ITPR2: variants seen among roughly 807,000 people sequenced by gnomAD.
ITPR2 encodes inositol 1,4,5-trisphosphate-gated calcium channel ITPR2.
ITPR2 carries 207 observed loss-of-function variants against 317.1 expected under a neutral mutation model. The observed-to-expected ratio is 0.65, with a 90% confidence interval of 0.58 to 0.73. ITPR2 has a LOEUF of 0.73. ITPR2 is among the 30% of genes least tolerant of loss of function. The pLI, the probability that ITPR2 is intolerant of heterozygous loss-of-function variation, is 0.00. For synonymous variants in ITPR2, 1,156 were observed against 1,149.1 expected (o/e 1.01, Z -0.12); for missense variants, 2,613 against 3,284.0 (o/e 0.80, Z 4.99).
chr12:26,340,298 G>C lies in ITPR2; in HGVS notation c.7888C>G (p.Arg2630Gly). The C allele has an allele frequency of 6.2e-7, 1 of 1,605,634 alleles. No individual in the cohort carries two copies. The highest frequency in any genetic ancestry group is 8.5e-7 in the Non-Finnish European group (1 of 1,176,274). ...EKNLDWFPRMRAMSLVSNEGD... is the reference protein window; with the variant it reads ...EKNLDWFPRMGAMSLVSNEGD... ...TCATTGCTAACGAGGGACATGGCTC[G>C]CATCCGAGGAAACCAATCCAAATTC... is the stretch of plus-strand genomic sequence containing the variant. The change falls in exon 56 of 57, where the codon CGA becomes GGA. Residue 2630 changes from arginine to glycine, a missense_variant. By Grantham distance (125) the Arg-to-Gly change is moderately radical (BLOSUM62 -2). This residue lies in a region of ITPR2 where 119 missense variants were observed against 144.3 expected (regional missense o/e 0.82). Transcript: ENST00000381340.
chr12:26,746,459 T>C (rs539502444), intron 2 of ITPR2, among the ~76,000 whole-genome samples: 3 of 152,324 alleles, frequency 2.0e-5, no homozygotes, highest in East Asian at 1.9e-4. Context: ...CTCTAAAACA[T>C]GTAAACTTTC....
intron 14 of ITPR2, among the ~76,000 whole-genome samples, chr12:26,664,855 A>G (rs887908461): frequency 6.6e-6 from 1 of 152,168 alleles, no homozygotes; most frequent in Non-Finnish European, 1.5e-5. Flanking sequence ...ATTTGAGAAA[A>G]AAGTTGATTT....
chr12:26,499,562 A>G (rs1943026003), intron 37 of ITPR2, among the ~76,000 whole-genome samples: 1 of 152,242 alleles, frequency 6.6e-6, no homozygotes, highest in Non-Finnish European at 1.5e-5. Flanking sequence ...ATTTACTGAA[A>G]GTACTTGGAA....
At chr12:26,556,121 C>T in intron 36 of ITPR2, 112 bp downstream of exon 36, 2 of 939,752 alleles carry the variant, frequency 2.1e-6, no homozygotes, top group South Asian at 2.5e-5. Flanking sequence ...GATTTTAGAC[C>T]TTTCGCATAC....
At chr12:26,416,057 G>A (rs1179320424) in intron 50 of ITPR2, among the ~76,000 whole-genome samples, 1 of 152,024 alleles carries the variant, frequency 6.6e-6, no homozygotes, top group Non-Finnish European at 1.5e-5. Flanking sequence ...AAACTATTTG[G>A]GAAATGCAAA....
At chr12:26,436,392 T>C in intron 47 of ITPR2, 46 bp from the exon 48 acceptor site, 10 of 1,559,084 alleles carry the variant, frequency 6.4e-6, no homozygotes, top group Non-Finnish European at 8.6e-6. Flanking sequence ...AAATACATTT[T>C]GGTTTCAACA....
chr12:26,767,852 T>A (rs1225707403), intron 2 of ITPR2, among the ~76,000 whole-genome samples: 2 of 152,256 alleles, frequency 1.3e-5, no homozygotes, highest in African/African-American at 2.4e-5. Context: ...TCTCAACATA[T>A]GTTTGATTCA....
intron 55 of ITPR2, among the ~76,000 whole-genome samples, chr12:26,375,167 A>T (rs1420863945): frequency 6.6e-6 from 1 of 152,224 alleles, no homozygotes; most frequent in Non-Finnish European, 1.5e-5. Flanking sequence ...TGTGGACATT[A>T]TTATTCCAGA....
At chr12:26,758,473 C>G (rs189489030) in intron 2 of ITPR2, among the ~76,000 whole-genome samples, 1 of 152,174 alleles carries the variant, frequency 6.6e-6, no homozygotes, top group Non-Finnish European at 1.5e-5. Context: ...CCCATCTTAA[C>G]GCTAGCCTTT....
At chr12:26,688,822 C>A (rs1565694216) in intron 10 of ITPR2, among the ~76,000 whole-genome samples, 2 of 152,046 alleles carry the variant, frequency 1.3e-5, no homozygotes, top group Admixed American at 6.6e-5. Flanking sequence ...CCCACTTTCA[C>A]GGTGATTTGC....
intron 21 of ITPR2, among the ~76,000 whole-genome samples, chr12:26,651,900 C>T (rs1947264776): frequency 1.3e-5 from 2 of 152,174 alleles, no homozygotes; most frequent in African/African-American, 4.8e-5. Context: ...ATCTCCCCAT[C>T]TTGCCTCTTT....
chr12:26,712,483 C>A (rs1224571528), intron 8 of ITPR2, among the ~76,000 whole-genome samples: 3 of 152,180 alleles, frequency 2.0e-5, no homozygotes, highest in Non-Finnish European at 2.9e-5. Context: ...AAAAGCCCAC[C>A]TATCCTTCAA....
chr12:26,792,453 T>G (rs1197985876), intron 1 of ITPR2, among the ~76,000 whole-genome samples: 1 of 151,762 alleles, frequency 6.6e-6, no homozygotes, highest in Non-Finnish European at 1.5e-5. Context: ...AACAACCTCT[T>G]CTTGAATACT....
chr12:26,622,973 A>C (rs2136809459), intron 24 of ITPR2, among the ~76,000 whole-genome samples: 1 of 152,368 alleles, frequency 6.6e-6, no homozygotes, highest in South Asian at 2.1e-4. Context: ...GAAATTCTTC[A>C]ATAGGAAAAT....
intron 2 of ITPR2, among the ~76,000 whole-genome samples, chr12:26,732,665 G>A (rs1206840250): frequency 6.6e-6 from 1 of 152,216 alleles, no homozygotes; most frequent in Non-Finnish European, 1.5e-5. Context: ...GATGAAATAT[G>A]AACCAAGATC....
At chr12:26,788,148 C>G (rs1487930734) in intron 2 of ITPR2, among the ~76,000 whole-genome samples, 5 of 151,904 alleles carry the variant, frequency 3.3e-5, no homozygotes, top group Non-Finnish European at 7.4e-5. Flanking sequence ...TCTCGAACTC[C>G]CGACCTCAGG....
intron 21 of ITPR2, among the ~76,000 whole-genome samples, chr12:26,644,403 G>T (rs1203214983): frequency 6.6e-6 from 1 of 152,118 alleles, no homozygotes; most frequent in Non-Finnish European, 1.5e-5. Context: ...CCAGAAGCAG[G>T]CTCTCACCAG....
intron 1 of ITPR2, among the ~76,000 whole-genome samples, chr12:26,794,581 G>A (rs1385889810): frequency 6.6e-6 from 1 of 152,108 alleles, no homozygotes; most frequent in Admixed American, 6.5e-5. Context: ...ATATTCTTCT[G>A]TGAATTCCCA....
intron 2 of ITPR2, among the ~76,000 whole-genome samples, chr12:26,741,807 G>A (rs923188496): frequency 2.6e-5 from 4 of 152,192 alleles, no homozygotes; most frequent in Admixed American, 6.5e-5. Flanking sequence ...GAAAGGGAGT[G>A]TACCATTATA....
Sources: allele counts gnomAD v4.1 joint callset (sites outside exome capture counted in the v4.1 genomes callset), GRCh38; gene constraint gnomAD v4.1.1; regional missense constraint gnomAD v4.1.1; transcripts MANE v1.5; gene names NCBI Gene and HGNC (gene_info 2026-07-23, HGNC 2026-07-21).